NPAS3: variants seen among roughly 807,000 people sequenced by gnomAD.
NPAS3 encodes the protein neuronal PAS domain-containing protein 3.
A neutral mutation model predicts 73.1 loss-of-function variants in NPAS3; 14 were observed. The observed-to-expected ratio is 0.19, with a 90% CI of 0.13 to 0.30. The LOEUF (loss-of-function observed/expected upper bound fraction) is 0.30. Ranked by LOEUF, NPAS3 falls within the 10% of genes least tolerant of loss-of-function variation. The probability of loss-of-function intolerance (pLI) is 1.00; values close to 1 mark genes in which losing one functional copy is unlikely to be tolerated. For synonymous variants in NPAS3, 620 were observed against 541.5 expected (o/e 1.14, Z -2.01); for missense variants, 1,096 against 1,250.0 (o/e 0.88, Z 1.86).
At chr14:33,699,535 C>A (rs1037025657) in intron 6 of NPAS3, among the ~76,000 whole-genome samples, 1 of 152,138 alleles carries the variant, frequency 6.6e-6, no homozygotes, top group African/African-American at 2.4e-5. Flanking sequence ...AGGAGAAAAG[C>A]GAATCAGAAT....
chr14:33,362,432 A>G (rs2045646083), intron 3 of NPAS3, among the ~76,000 whole-genome samples: 1 of 152,152 alleles, frequency 6.6e-6, no homozygotes, highest in South Asian at 2.1e-4. Flanking sequence ...CTTTGGCCCT[A>G]CAGTGAGGAA....
At chr14:33,337,686 T>A (rs1045432121) in intron 3 of NPAS3, among the ~76,000 whole-genome samples, 1 of 152,086 alleles carries the variant, frequency 6.6e-6, no homozygotes, top group African/African-American at 2.4e-5. Flanking sequence ...ATATTTGCTG[T>A]TTGAATACTG....
intron 4 of NPAS3, among the ~76,000 whole-genome samples, chr14:33,492,290 C>T (rs1781131158): frequency 6.6e-6 from 1 of 152,058 alleles, no homozygotes; most frequent in African/African-American, 2.4e-5. Flanking sequence ...TGATAATAGG[C>T]ACATCTGTAA....
At chr14:33,465,790 A>C (rs779463588) in intron 4 of NPAS3, among the ~76,000 whole-genome samples, 3 of 152,182 alleles carry the variant, frequency 2.0e-5, no homozygotes, top group Admixed American at 6.5e-5. Context: ...GCTTTAATTC[A>C]GTATAATATA....
chr14:33,053,433 T>C (rs1168408374), intron 1 of NPAS3, among the ~76,000 whole-genome samples: 1 of 152,164 alleles, frequency 6.6e-6, no homozygotes, highest in Admixed American at 6.5e-5. Flanking sequence ...GTATGATGAG[T>C]CCATCTAGAC....
intron 2 of NPAS3, among the ~76,000 whole-genome samples, chr14:33,155,343 T>C (rs1416645288): frequency 6.6e-6 from 1 of 152,230 alleles, no homozygotes; most frequent in Non-Finnish European, 1.5e-5. Flanking sequence ...TCCATTCTTC[T>C]TGTGGGCATT....
intron 1 of NPAS3, among the ~76,000 whole-genome samples, chr14:32,946,888 A>G (rs1033383151): frequency 3.3e-5 from 5 of 152,202 alleles, no homozygotes; most frequent in African/African-American, 1.2e-4. Flanking sequence ...TTTAACCACC[A>G]TCAGATCATC....
At position 33,731,739 on chromosome 14, in the gene NPAS3, T is replaced by C. The variant is rs2061407721; in HGVS notation, c.734-3475T>C. Among the ~76,000 whole-genome samples, 4 of 152,342 alleles carry C rather than the reference T, an allele frequency of 2.6e-5. No individual in the cohort carries two copies. The South Asian group carries it at 8.3e-4, about 32-fold the overall frequency. ...TGCCAACATAAAAATTATTACTACT[T>C]TTGCTGTAAATTTTCCTGTAAATTT... On this transcript the variant is annotated intron_variant, in intron 6 of 11. Transcript: ENST00000356141.
intron 5 of NPAS3, among the ~76,000 whole-genome samples, chr14:33,666,166 C>T (rs1430105208): frequency 2.6e-5 from 4 of 152,148 alleles, no homozygotes; most frequent in African/African-American, 9.7e-5. Flanking sequence ...GGGCCTAAAT[C>T]AATCAATCAC....
At chr14:33,604,788 C>A (rs1450578352) in intron 5 of NPAS3, among the ~76,000 whole-genome samples, 1 of 151,948 alleles carries the variant, frequency 6.6e-6, no homozygotes, top group South Asian at 2.1e-4. Context: ...AACTAGAAAT[C>A]ATAACAGAAA....
chr14:33,634,440 G>A (rs1200444073), intron 5 of NPAS3, among the ~76,000 whole-genome samples: 4 of 152,170 alleles, frequency 2.6e-5, no homozygotes, highest in Non-Finnish European at 4.4e-5. Context: ...TTCTGAGAGC[G>A]ATGTGGAGGA....
At chr14:33,451,262 A>G (rs2049778189) in intron 4 of NPAS3, among the ~76,000 whole-genome samples, 1 of 152,178 alleles carries the variant, frequency 6.6e-6, no homozygotes, top group South Asian at 2.1e-4. Flanking sequence ...ATTTCCCCTT[A>G]TGTTAAACAA....
At chr14:33,545,292 C>T (rs1376423565) in intron 4 of NPAS3, among the ~76,000 whole-genome samples, 1 of 152,024 alleles carries the variant, frequency 6.6e-6, no homozygotes, top group African/African-American at 2.4e-5. Context: ...GTGTATTTTT[C>T]TCCTTACGAG....
In NPAS3 at chr14:33,617,423, G is replaced by C. The variant is rs528454100; in HGVS notation, c.558+57213G>C. On this transcript the variant is annotated intron_variant, in intron 5 of 11. Transcript: ENST00000356141. ...CCAGAAGAGAGGAAATTTAGGTGGG[G>C]GGAATGCCACACACCCACATTCCCA... 3.9e-5 allele frequency among the ~76,000 whole-genome samples: 6 copies of C among 152,238 alleles called. No individual in the cohort carries two copies. In the South Asian group the frequency reaches 8.3e-4, roughly 21 times the overall value.
At chr14:33,197,267 G>GTGTGTGTGTGTGTGTGTGTGTGTT (rs1555353807) in intron 2 of NPAS3, among the ~76,000 whole-genome samples, 22 of 148,832 alleles carry the variant, frequency 1.5e-4, no homozygotes, top group South Asian at 4.3e-4. Flanking sequence ...GTGTGTGTGT[G>GTGTGTGTGTGTGTGTGTGTGTGTT]TTCTTTTTCA....
At chr14:33,363,841 C>T (rs1178788262) in intron 3 of NPAS3, among the ~76,000 whole-genome samples, 1 of 151,832 alleles carries the variant, frequency 6.6e-6, no homozygotes, top group African/African-American at 2.4e-5. Context: ...TCCTATAGCT[C>T]TTACGTCTCA....
chr14:33,544,808 ATATG>A (rs1368974883), intron 4 of NPAS3, among the ~76,000 whole-genome samples: 10 of 89,514 alleles, frequency 1.1e-4, no homozygotes, highest in African/African-American at 4.0e-4. Flanking sequence ...ATATATATAT[ATATG>A]TATATATAAT....
At chr14:33,453,867 G>T (rs980450386) in intron 4 of NPAS3, among the ~76,000 whole-genome samples, 1 of 152,022 alleles carries the variant, frequency 6.6e-6, no homozygotes, top group African/African-American at 2.4e-5. Context: ...TGTTTGTTTT[G>T]TTAGTAGAGA....
At chr14:33,732,923 C>T (rs2061434855) in intron 6 of NPAS3, among the ~76,000 whole-genome samples, 2 of 152,196 alleles carry the variant, frequency 1.3e-5, no homozygotes, top group Admixed American at 6.5e-5. Context: ...CTAATGTACC[C>T]TCTAAGTGTT....
Sources: gnomAD v4.1 joint callset for allele counts (sites outside exome capture counted in the v4.1 genomes callset) on GRCh38, gnomAD v4.1.1 for gene constraint, MANE v1.5 for transcripts, NCBI Gene and HGNC (gene_info 2026-07-23, HGNC 2026-07-21) for gene names.